ADI1: variants seen among roughly 807,000 people sequenced by gnomAD.
The protein encoded by ADI1 is acireductone dioxygenase.
A neutral mutation model predicts 18.7 loss-of-function variants in ADI1; 21 were observed. The observed-to-expected ratio is 1.13, with a 90% CI of 0.80 to 1.62. The LOEUF (loss-of-function observed/expected upper bound fraction) is 1.62, where lower values mean the gene tolerates loss of function less well. Ranked by LOEUF, ADI1 falls within the 40% of genes most tolerant of loss-of-function variation. The probability of loss-of-function intolerance (pLI) is 0.00; values close to 1 mark genes in which losing one functional copy is unlikely to be tolerated. For missense variants in ADI1, 245 were observed against 254.9 expected (o/e 0.96, Z 0.26); for synonymous variants, 90 against 100.1 (o/e 0.90, Z 0.60).
intron 1 of ADI1, 158 bp downstream of exon 1, chr2:3,519,210 C>T: frequency 6.2e-6 from 7 of 1,131,746 alleles, no homozygotes; most frequent in Non-Finnish European, 8.0e-6. Flanking sequence ...CCACCCCAGG[C>T]ACCGGGAGCC....
Position 3,498,913 on chromosome 2 carries a change from A to G in ADI1, c.*50T>C, listed in dbSNP as rs371879652. On this transcript the variant is annotated 3_prime_UTR_variant, in exon 4 of 4. Coordinates refer to ENST00000327435, the MANE Select transcript of ADI1 (RefSeq NM_018269.4). ...AAAGTGATTGATTTTCTGCTCAGTC[A>G]TTACATTGGGGACCTTTACGAGGCA... 1.9e-6 allele frequency: 3 copies of G among 1,564,334 alleles called. No individual in the cohort carries two copies. The highest frequency in any genetic ancestry group is 2.6e-6 in the Non-Finnish European group (3 of 1,147,622).
At chr2:3,499,555 C>A (rs532007658) in intron 3 of ADI1, among the ~76,000 whole-genome samples, 1 of 152,194 alleles carries the variant, frequency 6.6e-6, no homozygotes, top group South Asian at 2.1e-4. Context: ...AGGAATTTAC[C>A]CTACAGAAAA....
chr2:3,501,699 TG>T (rs1169434714), intron 2 of ADI1, among the ~76,000 whole-genome samples: 2 of 152,074 alleles, frequency 1.3e-5, no homozygotes, highest in African/African-American at 4.8e-5. Context: ...AGCTAATTTT[TG>T]TATTCTCAGT....
At chr2:3,501,555 G>A (rs62120548) in intron 2 of ADI1, among the ~76,000 whole-genome samples, 8 of 151,438 alleles carry the variant, frequency 5.3e-5, no homozygotes, top group Non-Finnish European at 1.0e-4. Context: ...TTTTTTTTAG[G>A]TGGAGTCTCG....
intron 2 of ADI1, among the ~76,000 whole-genome samples, chr2:3,509,270 CA>C (rs1558428051): frequency 6.6e-6 from 1 of 152,068 alleles, no homozygotes; most frequent in East Asian, 1.9e-4. Flanking sequence ...TGACATCCAG[CA>C]AGCAGAAAAT....
intron 2 of ADI1, among the ~76,000 whole-genome samples, chr2:3,511,429 T>C (rs528313009): frequency 5.3e-5 from 8 of 152,056 alleles, no homozygotes; most frequent in South Asian, 2.1e-4. Flanking sequence ...TCATTCCCAC[T>C]CCTGTTATGT....
chr2:3,518,698 T>G (rs1667462241), intron 1 of ADI1, among the ~76,000 whole-genome samples: 1 of 133,238 alleles, frequency 7.5e-6, no homozygotes, highest in Non-Finnish European at 1.6e-5. Context: ...GCCCGGTCCC[T>G]CCCCCAGGAC....
At chr2:3,510,493 A>C (rs1406116199) in intron 2 of ADI1, among the ~76,000 whole-genome samples, 10 of 152,184 alleles carry the variant, frequency 6.6e-5, no homozygotes, top group Admixed American at 5.9e-4. Flanking sequence ...AAAGAGAAAA[A>C]TCAATGAAAC....
chr2:3,508,983 G>A (rs36113402), intron 2 of ADI1, among the ~76,000 whole-genome samples: 35,156 of 131,092 alleles, frequency 0.27, 5,972 homozygotes, highest in African/African-American at 0.49. Flanking sequence ...GAGAGAGGGC[G>A]GAAGGAAGGA....
intron 2 of ADI1, among the ~76,000 whole-genome samples, chr2:3,503,366 CATGCACACAT>C (rs1667081092): frequency 9.1e-6 from 1 of 109,384 alleles, no homozygotes; most frequent in African/African-American, 7.1e-5. Flanking sequence ...CATTCACACA[CATGCACACAT>C]ACACACGTAC....
intron 1 of ADI1, chr2:3,514,708 C>T (rs1015345398): frequency 3.5e-6 from 5 of 1,434,714 alleles, no homozygotes; most frequent in Non-Finnish European, 4.7e-6. Flanking sequence ...GATGAAGCTC[C>T]AGGCAGAATT....
intron 1 of ADI1, chr2:3,515,917 G>A: frequency 2.0e-6 from 2 of 985,374 alleles, no homozygotes; most frequent in African/African-American, 1.7e-5. Flanking sequence ...ACATATTAAA[G>A]TACTAGTCAT....
chr2:3,499,241 G>A (rs529710565), intron 3 of ADI1, among the ~76,000 whole-genome samples, 159 bp from the exon 4 acceptor site: 1 of 152,292 alleles, frequency 6.6e-6, no homozygotes, highest in South Asian at 2.1e-4. Context: ...TTTATTCGTG[G>A]AAGGAAAATT....
intron 3 of ADI1, 77 bp downstream of exon 3, chr2:3,500,737 C>G (rs199623266): frequency 8.1e-6 from 13 of 1,598,060 alleles, no homozygotes; most frequent in Non-Finnish European, 1.0e-5. Flanking sequence ...GCGGAAGCCG[C>G]GCAGTTCAGC....
intron 3 of ADI1, 143 bp downstream of exon 3, chr2:3,500,671 C>A: frequency 8.9e-7 from 1 of 1,120,858 alleles, no homozygotes. Context: ...GCTCCACAGA[C>A]TCTCCTTGAA....
chr2:3,517,427 G>A (rs1479814560), intron 1 of ADI1: 1 of 152,132 alleles, frequency 6.6e-6, no homozygotes, highest in Non-Finnish European at 1.5e-5. Flanking sequence ...AACTAAATTT[G>A]TTGTAATTTT....
intron 2 of ADI1, among the ~76,000 whole-genome samples, chr2:3,512,332 A>G (rs1667309001): frequency 6.6e-6 from 1 of 152,258 alleles, no homozygotes; most frequent in Admixed American, 6.5e-5. Context: ...GCAATGGGGA[A>G]AAAACCTCAG....
Position 3,514,411 on chromosome 2 carries a change from A to G in ADI1, c.121-435T>C, listed in dbSNP as rs537789424. Among the ~76,000 whole-genome samples, 17 of 152,332 alleles carry G rather than the reference A, an allele frequency of 1.1e-4. 1 individual carries two copies. In the East Asian group the frequency reaches 2.9e-3, roughly 26 times the overall value. ...AACATTGTATGCTCTCACAGCTTGCAAATAAAACTCAAGTTAATTAAACTG... is the reference window on the plus strand; with the variant it reads ...AACATTGTATGCTCTCACAGCTTGCGAATAAAACTCAAGTTAATTAAACTG... On this transcript the variant is annotated intron_variant, in intron 1 of 3. Transcript: ENST00000327435.
chr2:3,511,497 C>A (rs988252020), intron 2 of ADI1, among the ~76,000 whole-genome samples: 7 of 151,360 alleles, frequency 4.6e-5, no homozygotes, highest in Non-Finnish European at 1.0e-4. Context: ...GAGGCCTCCC[C>A]AGAAGCAGAT....
Sources: allele counts gnomAD v4.1 joint callset (sites outside exome capture counted in the v4.1 genomes callset), GRCh38; gene constraint gnomAD v4.1.1; transcripts MANE v1.5; gene names NCBI Gene and HGNC (gene_info 2026-07-23, HGNC 2026-07-21).